The following OSBPL5 variants were observed in gnomAD, a reference collection of about 807,000 sequenced individuals.
OSBPL5 encodes the protein oxysterol-binding protein-related protein 5.
OSBPL5 carries 71 observed loss-of-function variants against 111.2 expected under a neutral mutation model. The observed-to-expected ratio is 0.64, with a 90% CI of 0.53 to 0.78. The LOEUF (loss-of-function observed/expected upper bound fraction) is 0.78, where lower values mean the gene tolerates loss of function less well. Ranked by LOEUF, OSBPL5 falls within the 30% of genes least tolerant of loss-of-function variation. The probability of loss-of-function intolerance (pLI) is 0.00; values close to 1 mark genes in which losing one functional copy is unlikely to be tolerated. For synonymous variants in OSBPL5, 549 were observed against 513.9 expected (o/e 1.07, Z -0.93); for missense variants, 1,210 against 1,189.3 (o/e 1.02, Z -0.26).
intron 11 of OSBPL5, among the ~76,000 whole-genome samples, chr11:3,102,841 G>T (rs1392877255): frequency 6.6e-6 from 1 of 152,138 alleles, no homozygotes; most frequent in Non-Finnish European, 1.5e-5. Flanking sequence ...CTGGGTTTGG[G>T]GTTCTAAAAG....
At position 3,140,226 on chromosome 11, in the gene OSBPL5, T is replaced by G. The variant is rs1846066406; in HGVS notation, c.-21-11057A>C. Among the ~76,000 whole-genome samples the G allele has an allele frequency of 6.6e-6, 1 of 152,206 alleles. No homozygotes were observed. The highest frequency in any genetic ancestry group is 1.5e-5 in the Non-Finnish European group (1 of 68,024). The stretch of plus-strand genomic sequence containing the variant: ...GGGGATAATTGCAGTGGTGTCTCCC[T>G]GGCCAGGCTGCTGAGTTCAGCTCTG... On this transcript the variant is annotated intron_variant, in intron 1 of 21. Transcript: ENST00000263650. The surrounding 1 kb of genome is among the most constrained non-coding windows in gnomAD (Gnocchi z 4.5).
At chr11:3,103,783 AGTCCCTTCCTGCCTCTGC>A (rs1857566466) in intron 10 of OSBPL5, among the ~76,000 whole-genome samples, 1 of 51,390 alleles carries the variant, frequency 1.9e-5, no homozygotes, top group Admixed American at 1.9e-4. Context: ...CAGCCTCTGC[AGTCCCTTCCTGCCTCTGC>A]AGCCCTCTTC....
At position 3,146,004 on chromosome 11, in the gene OSBPL5, C is replaced by A. The variant is rs201921363; in HGVS notation, c.-21-16835G>T. Among the ~76,000 whole-genome samples the A allele has an allele frequency of 6.6e-6, 1 of 152,160 alleles. No individual in the cohort carries two copies. The highest frequency in any genetic ancestry group is 2.4e-5 in the African/African-American group (1 of 41,438). Reference sequence around the variant, plus strand: ...CCACCCTCAGCTGCCGTTCCACTTGCGGATGGGAGGATTCACCTGGGGGCC... The same window carrying A: ...CCACCCTCAGCTGCCGTTCCACTTGAGGATGGGAGGATTCACCTGGGGGCC... On this transcript the variant is annotated intron_variant, in intron 1 of 21. Coordinates refer to ENST00000263650, the MANE Select transcript of OSBPL5 (RefSeq NM_020896.4). The surrounding 1 kb of genome is among the most constrained non-coding windows in gnomAD (Gnocchi z 7.8).
In OSBPL5 at chr11:3,122,429, C is replaced by G; in HGVS notation, c.220-1G>C. Reference sequence around the variant, plus strand: ...ACCCGTTGCACAGCCTGTACTCTGCCTGAAAGAGAGAGGTGGGTATGCGGG... The same window carrying G: ...ACCCGTTGCACAGCCTGTACTCTGCGTGAAAGAGAGAGGTGGGTATGCGGG... On this transcript the variant is annotated splice_acceptor_variant, in intron 3 of 21. Transcript: ENST00000263650. LOFTEE classifies it high-confidence loss of function. The G allele has an allele frequency of 6.2e-7, 1 of 1,613,520 alleles. No individual in the cohort carries two copies. The highest frequency in any genetic ancestry group is 8.5e-7 in the Non-Finnish European group (1 of 1,179,832).
intron 21 of OSBPL5, among the ~76,000 whole-genome samples, chr11:3,089,110 A>T (rs1442957911): frequency 6.6e-6 from 1 of 152,182 alleles, no homozygotes; most frequent in Non-Finnish European, 1.5e-5. Context: ...TTCTCTGCCC[A>T]CACAGCCTCA....
At chr11:3,111,732 A>G (rs1323019119) in intron 7 of OSBPL5, among the ~76,000 whole-genome samples, 2 of 86,644 alleles carry the variant, frequency 2.3e-5, no homozygotes, top group African/African-American at 8.0e-5. Flanking sequence ...CAGCAAAAGG[A>G]AAAAAAAAAG....
chr11:3,112,257 C>G (rs1232176582), intron 7 of OSBPL5, among the ~76,000 whole-genome samples: 1 of 152,154 alleles, frequency 6.6e-6, no homozygotes, highest in Admixed American at 6.5e-5. Context: ...TGATTTACTT[C>G]TGCTGTCTCT....
intron 1 of OSBPL5, among the ~76,000 whole-genome samples, chr11:3,153,986 C>A (rs867292355): frequency 6.6e-6 from 1 of 152,246 alleles, no homozygotes; most frequent in African/African-American, 2.4e-5. Flanking sequence ...CCAACAGCGC[C>A]GTCAGCCCCG....
chr11:3,160,210 G>A (rs1846913688), intron 1 of OSBPL5, among the ~76,000 whole-genome samples: 1 of 152,182 alleles, frequency 6.6e-6, no homozygotes, highest in African/African-American at 2.4e-5. Flanking sequence ...CTGCCCCACG[G>A]GCCAGCGTCG....
chr11:3,132,746 C>T (rs1458950108), intron 1 of OSBPL5, among the ~76,000 whole-genome samples: 2 of 152,244 alleles, frequency 1.3e-5, no homozygotes, highest in South Asian at 2.1e-4. Flanking sequence ...AGATTCTCCA[C>T]GTAGCACTGG....
At chr11:3,112,056 CATGTGTAT>C (rs1857990262) in intron 7 of OSBPL5, among the ~76,000 whole-genome samples, 4 of 32,092 alleles carry the variant, frequency 1.2e-4, no homozygotes, top group South Asian at 1.4e-3. Flanking sequence ...CATGTGTGTG[CATGTGTAT>C]GTGTGTGTGC....
rs530522175 is a variant in OSBPL5, at chr11:3,157,309, A to G, written c.-22+7907T>C. 2.3e-3 allele frequency among the ~76,000 whole-genome samples: 347 copies of G among 152,232 alleles called. 1 individual carries two copies. The highest frequency in any genetic ancestry group is 7.9e-3 in the African/African-American group (330 of 41,534). On this transcript the variant is annotated intron_variant, in intron 1 of 21. Coordinates refer to ENST00000263650, the MANE Select transcript of OSBPL5 (RefSeq NM_020896.4). ...AGACCCTGACCCGTAAAAGGATGGG[A>G]AGGGGCAGATAAGGAAGGAGCCTGG...
rs1054467359 is a variant in OSBPL5 at position 3,093,701 on chromosome 11, G to A, written c.1810-38C>T. On this transcript the variant is annotated intron_variant, in intron 16 of 21. Coordinates refer to ENST00000263650, the MANE Select transcript of OSBPL5 (RefSeq NM_020896.4). ...GCCAGCGGGGTCAGAGGCTGGCCTG[G>A]CGTTGACCGCCCGGCCGTGCCTGCC... The A allele has an allele frequency of 3.7e-6, 6 of 1,612,496 alleles. No individual in the cohort carries two copies. In the African/African-American group the frequency reaches 8.0e-5, roughly 22 times the overall value.
At chr11:3,112,057 A>ATGTG (rs71035484) in intron 7 of OSBPL5, among the ~76,000 whole-genome samples, 49,186 of 118,010 alleles carry the variant, frequency 0.42, 10,315 homozygotes, top group East Asian at 0.73. Flanking sequence ...ATGTGTGTGC[A>ATGTG]TGTGTATGTG....
At chr11:3,119,756 A>ACCAGGTGGGGCCAGGCACCTGG in intron 6 of OSBPL5, 125 bp from the exon 7 acceptor site, 1 of 884,360 alleles carries the variant, frequency 1.1e-6, no homozygotes, top group Admixed American at 3.5e-5. Flanking sequence ...CCACAGGGCC[A>ACCAGGTGGGGCCAGGCACCTGG]CCAGGTGGGG....
chr11:3,103,848 TTTCCAGTCTGCGCAGCCCCC>T lies in OSBPL5; in HGVS notation c.1244+325_1244+344del, dbSNP rs1332475160. On this transcript the variant is annotated intron_variant, in intron 10 of 21. Transcript: ENST00000263650. ...GCCCCCTTCCAGCCTCTGCAGCCCC[TTTCCAGTCTGCGCAGCCCCC>T]TTCCTGCCTCTGTAGCCCCATTCCT... Among the ~76,000 whole-genome samples the T allele has an allele frequency of 7.1e-4, 39 of 55,194 alleles. 1 individual carries two copies. The highest frequency in any genetic ancestry group is 1.3e-3 in the East Asian group (1 of 762). The allele number at this position is 55,194 out of a possible 152,430, so 36.2% of individuals were successfully genotyped here. A position where few individuals can be genotyped will look rare whatever the true frequency, so the allele number is the denominator to read the frequency against.
intron 4 of OSBPL5, 64 bp downstream of exon 4, chr11:3,122,284 C>T: frequency 6.4e-7 from 1 of 1,551,274 alleles, no homozygotes; most frequent in Non-Finnish European, 8.8e-7. Context: ...GGGTGACCTC[C>T]CTGGCTCAGG....
rs76519818 is a variant in OSBPL5, at chr11:3,103,868, C to T, written c.1244+325G>A. Among the ~76,000 whole-genome samples, 529 of 64,590 alleles carry T rather than the reference C, an allele frequency of 8.2e-3. 38 individuals are homozygous for T. The highest frequency in any genetic ancestry group is 0.016 in the African/African-American group (322 of 19,536). The allele number at this position is 64,590 out of a possible 152,430, so 42.4% of individuals were successfully genotyped here. Reference sequence around the variant, plus strand: ...GCCCCTTTCCAGTCTGCGCAGCCCCCTTCCTGCCTCTGTAGCCCCATTCCT... The same window carrying T: ...GCCCCTTTCCAGTCTGCGCAGCCCCTTTCCTGCCTCTGTAGCCCCATTCCT... On this transcript the variant is annotated intron_variant, in intron 10 of 21. Coordinates refer to ENST00000263650, the MANE Select transcript of OSBPL5 (RefSeq NM_020896.4).
intron 3 of OSBPL5, among the ~76,000 whole-genome samples, chr11:3,123,181 G>A (rs529871374): frequency 9.2e-5 from 14 of 152,186 alleles, no homozygotes; most frequent in Admixed American, 5.9e-4. Flanking sequence ...GCAGAAGGGG[G>A]CCACGGTTCT....
Sources: gnomAD v4.1 joint callset for allele counts (sites outside exome capture counted in the v4.1 genomes callset) on GRCh38, gnomAD v4.1.1 for gene constraint, Gnocchi (gnomAD v3.1) non-coding constraint, MANE v1.5 for transcripts, NCBI Gene and HGNC (gene_info 2026-07-23, HGNC 2026-07-21) for gene names.